Variants in MAP3K19 observed in about 807,000 individuals in gnomAD.
MAP3K19 encodes SPS1/STE20-related protein kinase YSK4.
A neutral mutation model predicts 114.4 loss-of-function variants in MAP3K19; 91 were observed. The ratio of observed to expected loss-of-function variants is 0.80; its 90% CI spans 0.67 to 0.95. The LOEUF is 0.95. Among genes scored for constraint, MAP3K19 ranks in the 40% least tolerant of loss-of-function variants. The pLI is 0.00. For missense variants in MAP3K19, 1,471 were observed against 1,573.2 expected, an observed-to-expected ratio of 0.94 and a Z score of 1.10; for synonymous variants, 518 against 530.5, an observed-to-expected ratio of 0.98 and a Z score of 0.32.
At chr2:135,041,904 C>G (rs1299112554) in intron 1 of MAP3K19, among the ~76,000 whole-genome samples, 1 of 152,102 alleles carries the variant, frequency 6.6e-6, no homozygotes, top group African/African-American at 2.4e-5. Flanking sequence ...AATTCATGGG[C>G]CAGACTACGT....
intron 5 of MAP3K19, among the ~76,000 whole-genome samples, chr2:135,011,628 A>G (rs1226761028): frequency 1.3e-5 from 2 of 151,886 alleles, no homozygotes; most frequent in Non-Finnish European, 2.9e-5. Flanking sequence ...ACTTTAGGAG[A>G]CAGAAGTGGG....
intron 5 of MAP3K19, among the ~76,000 whole-genome samples, chr2:135,010,782 C>A (rs7575241): frequency 0.36 from 53,979 of 151,892 alleles, 12,347 homozygotes; most frequent in African/African-American, 0.62. Flanking sequence ...GAGGCACGCC[C>A]CCATAACCAG....
intron 9 of MAP3K19, among the ~76,000 whole-genome samples, chr2:134,988,493 C>T (rs1017739092): frequency 2.6e-5 from 4 of 152,084 alleles, no homozygotes; most frequent in East Asian, 1.9e-4. Flanking sequence ...TGGGCTCAAG[C>T]GATCCTCCCA....
At chr2:134,977,356 A>ATTTTTTTTTTT (rs774277347) in intron 12 of MAP3K19, among the ~76,000 whole-genome samples, 5 of 86,832 alleles carry the variant, frequency 5.8e-5, no homozygotes, top group Admixed American at 1.8e-4. Flanking sequence ...TAATTTTTAA[A>ATTTTTTTTTTT]TTTTTTTTTT....
intron 8 of MAP3K19, among the ~76,000 whole-genome samples, chr2:134,992,463 G>C (rs543742616): frequency 2.6e-5 from 4 of 152,250 alleles, no homozygotes; most frequent in Admixed American, 6.5e-5. Flanking sequence ...TGCATAGTTT[G>C]GACTTTCTAA....
chr2:134,988,175 C>A lies in MAP3K19; in HGVS notation c.697G>T (p.Glu233Ter). The A allele has an allele frequency of 6.2e-7, 1 of 1,612,516 alleles. No homozygotes were observed. Among genetic ancestry groups the A allele is most frequent in the African/African-American group, 1.3e-5 (1 of 74,876 alleles). ...AGACTTGGAATGTTTCTTTCTTTTTCTTTTGGAAACTTGTGATTTTGGGGG... is the reference window on the plus strand; with the variant it reads ...AGACTTGGAATGTTTCTTTCTTTTTATTTTGGAAACTTGTGATTTTGGGGG... ...TIPQNHKFPK[E>*]KERNIPSLTS... The change falls in exon 10 of 13, where the codon GAA (glutamate) becomes TAA (stop). Residue 233 changes from glutamate (E) to a stop codon, truncating the protein, a stop_gained. Coordinates refer to ENST00000392915, the MANE Select transcript of MAP3K19 (RefSeq NM_025052.5). LOFTEE classifies it high-confidence loss of function.
chr2:134,978,455 C>T (rs979801629), intron 12 of MAP3K19, among the ~76,000 whole-genome samples: 2 of 152,104 alleles, frequency 1.3e-5, no homozygotes, highest in African/African-American at 4.8e-5. Flanking sequence ...CCCACCTCGG[C>T]CTTCCTAAGT....
intron 6 of MAP3K19, among the ~76,000 whole-genome samples, chr2:135,000,976 T>C (rs373119498): frequency 2.0e-5 from 3 of 152,198 alleles, no homozygotes; most frequent in African/African-American, 7.2e-5. Flanking sequence ...GAAAGTTGCT[T>C]AATAGCTATC....
At chr2:134,996,813 T>C (rs1686025076) in intron 8 of MAP3K19, among the ~76,000 whole-genome samples, 6 of 152,168 alleles carry the variant, frequency 3.9e-5, no homozygotes, top group Admixed American at 3.9e-4. Flanking sequence ...GATGGGAGGA[T>C]CACTTTAGCC....
chr2:134,987,561 A>C lies in MAP3K19; in HGVS notation c.1311T>G (p.Cys437Trp). 6.2e-7 allele frequency: 1 copy of C among 1,614,196 alleles called. No homozygotes were observed. Among genetic ancestry groups the C allele is most frequent in the Non-Finnish European group, 8.5e-7 (1 of 1,180,014 alleles). The change falls in exon 10 of 13, where the codon TGT becomes TGG. Residue 437 changes from cysteine to tryptophan, a missense_variant. Physicochemically the swap from Cys to Trp is radical, Grantham distance 215. Transcript: ENST00000392915. ...AMEPNNILEE[C>W]TVLKSLSSVV... ...CACTGGATAAGCTTTTAAGTACAGT[A>C]CACTCTTCTAAAATATTGTTTGGTT...
intron 11 of MAP3K19, chr2:134,983,386 G>A: frequency 3.3e-6 from 2 of 605,568 alleles, no homozygotes; most frequent in South Asian, 1.4e-5. Flanking sequence ...ATATGTGCCT[G>A]AGAAAAAGCC....
chr2:134,967,175 C>T lies in MAP3K19; in HGVS notation c.3921-2259G>A, dbSNP rs534686228. Among the ~76,000 whole-genome samples, 11 of 152,208 alleles carry T rather than the reference C, an allele frequency of 7.2e-5. No individual in the cohort carries two copies. In the East Asian group the frequency reaches 1.9e-3, roughly 27 times the overall value. On this transcript the variant is annotated intron_variant, in intron 12 of 12. Coordinates refer to ENST00000392915, the MANE Select transcript of MAP3K19 (RefSeq NM_025052.5). ...AAGCAGTATACTTGGTAAAAGTCAT[C>T]GCCACTCCCCAGTCTCAATAAATCA...
rs1684608309 is a variant in MAP3K19, at chr2:134,980,990, A to C, written c.3751T>G (p.Trp1251Gly). 6.2e-7 allele frequency: 1 copy of C among 1,614,110 alleles called. No individual in the cohort carries two copies. Among genetic ancestry groups the C allele is most frequent in the African/African-American group, 1.3e-5 (1 of 74,936 alleles). The change falls in exon 12 of 13, where the codon TGG becomes GGG. Residue 1251 changes from tryptophan (W) to glycine (G), a missense_variant. By Grantham distance (184) the Trp-to-Gly change is radical. Transcript: ENST00000392915. ...TCAAACACAGTACAACCAATGCTCC[A>C]GATATCTGATTTCCGTCCATAGCCA... ...ESGYGRKSDI[W>G]SIGCTVFEMA...
At chr2:135,042,468 C>G (rs190443485) in intron 1 of MAP3K19, among the ~76,000 whole-genome samples, 3 of 148,002 alleles carry the variant, frequency 2.0e-5, no homozygotes, top group Admixed American at 1.4e-4. Context: ...CGCCACTGCA[C>G]TCCAGCCTGG....
chr2:135,045,904 A>C (rs1442958687), intron 1 of MAP3K19, among the ~76,000 whole-genome samples: 1 of 152,280 alleles, frequency 6.6e-6, no homozygotes, highest in Non-Finnish European at 1.5e-5. Flanking sequence ...CTTTTAGTTA[A>C]CATGCACAGA....
At chr2:134,967,954 A>G (rs1308572401) in intron 12 of MAP3K19, among the ~76,000 whole-genome samples, 2 of 151,890 alleles carry the variant, frequency 1.3e-5, no homozygotes, top group African/African-American at 4.8e-5. Context: ...GAAGGTCAGC[A>G]GATAAACAAG....
intron 5 of MAP3K19, among the ~76,000 whole-genome samples, chr2:135,018,281 C>CAAAAAAAAAAA (rs781510594): frequency 2.4e-4 from 14 of 58,266 alleles, no homozygotes; most frequent in East Asian, 4.8e-4. Flanking sequence ...GCAACAACAG[C>CAAAAAAAAAAA]AAAAAAAAAA....
At chr2:135,040,149 C>T (rs1026008169) in intron 2 of MAP3K19, among the ~76,000 whole-genome samples, 1 of 152,122 alleles carries the variant, frequency 6.6e-6, no homozygotes, top group Non-Finnish European at 1.5e-5. Context: ...TAGTGATCAC[C>T]TTGGATATAG....
chr2:135,044,378 G>C (rs945079691), intron 1 of MAP3K19, among the ~76,000 whole-genome samples: 2 of 152,188 alleles, frequency 1.3e-5, no homozygotes, highest in African/African-American at 4.8e-5. Context: ...ATCACCCGAG[G>C]TCAGGAGTTC....
Sources: gnomAD v4.1 joint callset for allele counts (sites outside exome capture counted in the v4.1 genomes callset) on GRCh38, gnomAD v4.1.1 for gene constraint, MANE v1.5 for transcripts, NCBI Gene and HGNC (gene_info 2026-07-23, HGNC 2026-07-21) for gene names.